The following SKP1 variants were observed in gnomAD, a reference collection of about 807,000 sequenced individuals.
The protein encoded by SKP1 is S-phase kinase-associated protein 1.
In SKP1, 1 loss-of-function variant was observed where a neutral mutation model predicts 21.5. The ratio of observed to expected loss-of-function variants is 0.05; its 90% CI spans 0.02 to 0.22. The LOEUF (loss-of-function observed/expected upper bound fraction) is 0.22, where lower values mean the gene tolerates loss of function less well. Ranked by LOEUF, SKP1 falls within the 10% of genes least tolerant of loss-of-function variation. The probability of loss-of-function intolerance (pLI) is 1.00; values close to 1 mark genes in which losing one functional copy is unlikely to be tolerated. For missense variants in SKP1, 70 were observed against 192.0 expected, an observed-to-expected ratio of 0.36 and a Z score of 3.76; for synonymous variants, 59 against 59.3, an observed-to-expected ratio of 0.99 and a Z score of 0.03.
rs1263054140 is a variant in SKP1 at position 134,150,143 on chromosome 5, A to T, written c.*7590T>A. On this transcript the variant is annotated 3_prime_UTR_variant, in exon 6 of 6. Coordinates refer to ENST00000353411, the MANE Select transcript of SKP1 (RefSeq NM_170679.3). ...CTGCTCCCCATTTTGTTCTCTGTGG[A>T]TATGGTGAGGGTTCAGCCCAGCAAG... 1 of 152,116 alleles carries T rather than the reference A, an allele frequency of 6.6e-6. No homozygotes were observed. Among genetic ancestry groups the T allele is most frequent in the Non-Finnish European group, 1.5e-5 (1 of 68,044 alleles). 9.4% of individuals were successfully genotyped at this position (152,116 alleles called of 1,614,324 possible). A position where few individuals can be genotyped will look rare whatever the true frequency, so the allele number is the denominator to read the frequency against.
intron 2 of SKP1, chr5:134,170,869 G>T (rs1045116495): frequency 3.4e-5 from 13 of 384,346 alleles, no homozygotes; most frequent in Non-Finnish European, 5.6e-5. Context: ...ATAAAATAAA[G>T]AACACTTTCA....
chr5:134,173,849 T>C, intron 2 of SKP1, 77 bp downstream of exon 2: 1 of 837,598 alleles, frequency 1.2e-6, no homozygotes. Context: ...GACAGGCTGC[T>C]GCTCATATAA....
chr5:134,171,300 G>A (rs1377930478), intron 2 of SKP1, among the ~76,000 whole-genome samples: 2 of 152,178 alleles, frequency 1.3e-5, no homozygotes, highest in African/African-American at 4.8e-5. Flanking sequence ...CCAGTCTACA[G>A]TATATAAATC....
intron 2 of SKP1, among the ~76,000 whole-genome samples, chr5:134,171,265 C>T (rs1026480331): frequency 1.3e-5 from 2 of 152,202 alleles, no homozygotes; most frequent in Non-Finnish European, 2.9e-5. Flanking sequence ...AGTCCTCTAA[C>T]TTATTAACTA....
Position 134,150,077 on chromosome 5 carries a change from G to A in SKP1, c.*7656C>T, listed in dbSNP as rs999375521. 2.6e-5 allele frequency: 4 copies of A among 152,064 alleles called. No individual in the cohort carries two copies. Among genetic ancestry groups the A allele is most frequent in the African/African-American group, 4.8e-5 (2 of 41,364 alleles). 9.4% of individuals were successfully genotyped at this position (152,064 alleles called of 1,614,324 possible). A position where few individuals can be genotyped will look rare whatever the true frequency, so the allele number is the denominator to read the frequency against. ...AACATTTCCAGACAACTAGCAGACT[G>A]GCAACTTGGGTGAAAGACGTTCATC... On this transcript the variant is annotated 3_prime_UTR_variant, in exon 6 of 6. Coordinates refer to ENST00000353411, the MANE Select transcript of SKP1 (RefSeq NM_170679.3).
chr5:134,172,464 C>G (rs543853594), intron 2 of SKP1, among the ~76,000 whole-genome samples: 4 of 152,158 alleles, frequency 2.6e-5, no homozygotes, highest in African/African-American at 9.6e-5. Context: ...TCCACATTAA[C>G]TAGCGAAAGT....
intron 2 of SKP1, among the ~76,000 whole-genome samples, chr5:134,167,585 C>G (rs968608175): frequency 1.3e-5 from 2 of 151,622 alleles, no homozygotes; most frequent in Non-Finnish European, 2.9e-5. Flanking sequence ...TGTAGGGGCG[C>G]CATCTCGGCT....
chr5:134,166,580 C>CAA (rs36106913), intron 3 of SKP1, among the ~76,000 whole-genome samples: 6,952 of 52,330 alleles, frequency 0.13, 2,061 homozygotes, highest in African/African-American at 0.2. Context: ...ACTCTGGTCT[C>CAA]AAAAAAAAAA....
Position 134,156,334 on chromosome 5 carries a change from C to T in SKP1, c.*1399G>A, listed in dbSNP as rs1187146733. On this transcript the variant is annotated 3_prime_UTR_variant, in exon 6 of 6. Coordinates refer to ENST00000353411, the MANE Select transcript of SKP1 (RefSeq NM_170679.3). ...AAAGACTACAAAAACAGGCTATGGG[C>T]CTGATTTGACCCACACATTATAGTT... The T allele has an allele frequency of 6.6e-6, 1 of 152,006 alleles. No individual in the cohort carries two copies. Among genetic ancestry groups the T allele is most frequent in the Non-Finnish European group, 1.5e-5 (1 of 68,030 alleles). The allele number at this position is 152,006 out of a possible 1,614,324, so 9.4% of individuals were successfully genotyped here.
rs36106913 is a variant in SKP1, at chr5:134,166,580, CAAAAAAAAAAAA to C, written c.171+578_171+589del. Among the ~76,000 whole-genome samples, 32 of 52,536 alleles carry C rather than the reference CAAAAAAAAAAAA, an allele frequency of 6.1e-4. 1 individual carries two copies. The highest frequency in any genetic ancestry group is 2.2e-3 in the African/African-American group (27 of 12,060). The allele number at this position is 52,536 out of a possible 152,430, so 34.5% of individuals were successfully genotyped here. ...TGGCGACAGAGCAAGACTCTGGTCT[CAAAAAAAAAAAA>C]AAAAAAAAAAAAAAGAATGTGGGAA... On this transcript the variant is annotated intron_variant, in intron 3 of 5. Transcript: ENST00000353411.
In SKP1 at chr5:134,154,516, TAAG is replaced by T. The variant is rs1264405417; in HGVS notation, c.*3214_*3216del. 1.3e-5 allele frequency: 2 copies of T among 151,222 alleles called. No homozygotes were observed. The highest frequency in any genetic ancestry group is 3.5e-3 in the Middle Eastern group (1 of 288). 9.4% of individuals were successfully genotyped at this position (151,222 alleles called of 1,614,324 possible). On this transcript the variant is annotated 3_prime_UTR_variant, in exon 6 of 6. Transcript: ENST00000353411. ...GCACATCTTTAGCCTATGACAATGT[TAAG>T]GAGAAAATAATAAGCTAACATTCAG...
Position 134,152,982 on chromosome 5 carries a change from T to G in SKP1, c.*4751A>C, listed in dbSNP as rs1038456234. 6.6e-6 allele frequency: 1 copy of G among 152,250 alleles called. No individual in the cohort carries two copies. Among genetic ancestry groups the G allele is most frequent in the African/African-American group, 2.4e-5 (1 of 41,466 alleles). The allele number at this position is 152,250 out of a possible 1,614,324, so 9.4% of individuals were successfully genotyped here. On this transcript the variant is annotated 3_prime_UTR_variant, in exon 6 of 6. Transcript: ENST00000353411. Reference sequence around the variant, plus strand: ...CAAGGAGAAGCCAGGAGCTACACTTTAAGGATTCAGCCATTTTGTAAGCTT... The same window carrying G: ...CAAGGAGAAGCCAGGAGCTACACTTGAAGGATTCAGCCATTTTGTAAGCTT...
At position 134,151,564 on chromosome 5, in the gene SKP1, C is replaced by T. The variant is rs1761043186; in HGVS notation, c.*6169G>A. On this transcript the variant is annotated 3_prime_UTR_variant, in exon 6 of 6. Transcript: ENST00000353411. ...GAGCACTTTAAGGAAATAAGCTGATCCTCAGTGTGCAATAAGAGGCTGCTA... is the reference window on the plus strand; with the variant it reads ...GAGCACTTTAAGGAAATAAGCTGATTCTCAGTGTGCAATAAGAGGCTGCTA... 2.5e-6 allele frequency: 1 copy of T among 402,016 alleles called. No homozygotes were observed. Among genetic ancestry groups the T allele is most frequent in the Admixed American group, 2.7e-5 (1 of 37,316 alleles). 24.9% of individuals were successfully genotyped at this position (402,016 alleles called of 1,614,324 possible).
rs1436521689 is a variant in SKP1 at position 134,151,861 on chromosome 5, G to A, written c.*5872C>T. 3 of 326,682 alleles carry A rather than the reference G, an allele frequency of 9.2e-6. No homozygotes were observed. The highest frequency in any genetic ancestry group is 6.4e-5 in the African/African-American group (3 of 46,612). The allele number at this position is 326,682 out of a possible 1,614,324, so 20.2% of individuals were successfully genotyped here. A position where few individuals can be genotyped will look rare whatever the true frequency, so the allele number is the denominator to read the frequency against. ...TATCACTCAAACTATGTCCCGCATT[G>A]GAAGTGTGTCAAGCAAGAGCACCTT... On this transcript the variant is annotated 3_prime_UTR_variant, in exon 6 of 6. Transcript: ENST00000353411.
chr5:134,151,355 C>A lies in SKP1; in HGVS notation c.*6378G>T. On this transcript the variant is annotated 3_prime_UTR_variant, in exon 6 of 6. Coordinates refer to ENST00000353411, the MANE Select transcript of SKP1 (RefSeq NM_170679.3). ...TTTTTACAAAGCCACTCTGGAAACC[C>A]TGCTTGAGTACTTGAGGATAGAGTA... The A allele has an allele frequency of 6.5e-6, 1 of 153,656 alleles. No homozygotes were observed. Among genetic ancestry groups the A allele is most frequent in the Non-Finnish European group, 1.5e-5 (1 of 68,876 alleles). 9.5% of individuals were successfully genotyped at this position (153,656 alleles called of 1,614,324 possible).
intron 2 of SKP1, 148 bp from the exon 3 acceptor site, chr5:134,167,391 GA>G (rs936207065): frequency 4.6e-5 from 28 of 613,078 alleles, no homozygotes; most frequent in South Asian, 8.3e-5. Flanking sequence ...AACATATTGG[GA>G]AAAAAAATGG....
At chr5:134,168,033 T>C (rs1431748627) in intron 2 of SKP1, among the ~76,000 whole-genome samples, 2 of 152,250 alleles carry the variant, frequency 1.3e-5, no homozygotes, top group Admixed American at 6.5e-5. Context: ...AACAGCTCTC[T>C]TAGGAGCATT....
rs1413328535 is a variant in SKP1, at chr5:134,155,424, A to T, written c.*2309T>A. The T allele has an allele frequency of 6.6e-6, 1 of 152,194 alleles. No homozygotes were observed. The highest frequency in any genetic ancestry group is 2.4e-5 in the African/African-American group (1 of 41,456). 9.4% of individuals were successfully genotyped at this position (152,194 alleles called of 1,614,324 possible). On this transcript the variant is annotated 3_prime_UTR_variant, in exon 6 of 6. Coordinates refer to ENST00000353411, the MANE Select transcript of SKP1 (RefSeq NM_170679.3). Reference sequence around the variant, plus strand: ...AGGGCTTCTTAATACCATGTCTATGATTTATTTGGGTCCACAATGGTGAAA... The same window carrying T: ...AGGGCTTCTTAATACCATGTCTATGTTTTATTTGGGTCCACAATGGTGAAA...
intron 2 of SKP1, 140 bp from the exon 3 acceptor site, chr5:134,167,383 C>T: frequency 3.2e-6 from 2 of 626,208 alleles, no homozygotes; most frequent in Admixed American, 6.0e-5. Context: ...ACAGATTAAA[C>T]ATATTGGGAA....
Sources: gnomAD v4.1 joint callset for allele counts (sites outside exome capture counted in the v4.1 genomes callset) on GRCh38, gnomAD v4.1.1 for gene constraint, MANE v1.5 for transcripts, NCBI Gene and HGNC (gene_info 2026-07-23, HGNC 2026-07-21) for gene names.